Variants in PLEKHG3 observed in about 807,000 individuals in gnomAD.
PLEKHG3 encodes pleckstrin homology domain-containing family G member 3.
Under a neutral mutation model 94.9 loss-of-function variants are expected in PLEKHG3, and 62 were observed. The ratio of observed to expected loss-of-function variants is 0.65; its 90% CI spans 0.53 to 0.81. The LOEUF (loss-of-function observed/expected upper bound fraction) is 0.81, where lower values mean the gene tolerates loss of function less well. PLEKHG3 is among the 30% of genes least tolerant of loss of function. The probability of loss-of-function intolerance (pLI) is 0.00; values close to 1 mark genes in which losing one functional copy is unlikely to be tolerated. For synonymous variants in PLEKHG3, 614 were observed against 654.0 expected (o/e 0.94, Z 0.93); for missense variants, 1,461 against 1,619.3 (o/e 0.90, Z 1.68).
In PLEKHG3 at chr14:64,743,038, C is replaced by T. The variant is rs761471717; in HGVS notation, c.2995C>T (p.His999Tyr). ...CTATGAGCAGCTGATGGCCCAGGAG[C>T]ACAGCCCTCCCAAGCCCTCCTCGGC... Reference protein sequence around the residue: ...FDYEQLMAQEHSPPKPSSAGE... With the variant: ...FDYEQLMAQEYSPPKPSSAGE... The change falls in exon 17 of 17, where the codon CAC (histidine) becomes TAC (tyrosine). Residue 999 changes from histidine to tyrosine, a missense_variant. Coordinates refer to ENST00000247226, the MANE Select transcript of PLEKHG3 (RefSeq NM_001308147.2). This position sits in a 1 kb window ranked among gnomAD's most constrained non-coding sequence, Gnocchi z 7.2. 9 of 1,613,042 alleles carry T rather than the reference C, an allele frequency of 5.6e-6. No homozygotes were observed. In the South Asian group the frequency reaches 7.7e-5, roughly 14 times the overall value.
chr14:64,714,900 G>A (rs898871971), intron 1 of PLEKHG3, among the ~76,000 whole-genome samples: 3 of 151,462 alleles, frequency 2.0e-5, no homozygotes, highest in African/African-American at 7.3e-5. Flanking sequence ...AGAGGACCTG[G>A]GGGGAAAAAA....
chr14:64,713,714 T>C (rs976445867), intron 1 of PLEKHG3, among the ~76,000 whole-genome samples: 4 of 152,190 alleles, frequency 2.6e-5, no homozygotes, highest in African/African-American at 9.6e-5. Context: ...TCCTTAGTTC[T>C]AGAAAGTTCA....
intron 1 of PLEKHG3, among the ~76,000 whole-genome samples, chr14:64,710,799 C>T (rs1280746009): frequency 6.7e-6 from 1 of 150,210 alleles, no homozygotes; most frequent in Non-Finnish European, 1.5e-5. Flanking sequence ...CAAGTGCTAG[C>T]AGAAGTGCCG....
In PLEKHG3 at chr14:64,704,566, G is replaced by A. The variant is rs953886200; in HGVS notation, c.-178G>A. The A allele has an allele frequency of 1.3e-5, 2 of 153,300 alleles. No homozygotes were observed. Among genetic ancestry groups the A allele is most frequent in the East Asian group, 3.7e-4 (2 of 5,456 alleles). 9.5% of individuals were successfully genotyped at this position (153,300 alleles called of 1,614,324 possible). On this transcript the variant is annotated 5_prime_UTR_variant, in exon 1 of 17. Coordinates refer to ENST00000247226, the MANE Select transcript of PLEKHG3 (RefSeq NM_001308147.2). This position sits in a 1 kb window ranked among gnomAD's most constrained non-coding sequence, Gnocchi z 5.6. Reference sequence around the variant, plus strand: ...GCTGGCCGAGTCCGGGCCAGCTGAGGGGCTGGCGGTGGGCGGGAGCGGTCG... The same window carrying A: ...GCTGGCCGAGTCCGGGCCAGCTGAGAGGCTGGCGGTGGGCGGGAGCGGTCG...
chr14:64,719,763 C>T (rs946714457), intron 1 of PLEKHG3, among the ~76,000 whole-genome samples: 14 of 152,034 alleles, frequency 9.2e-5, no homozygotes, highest in Admixed American at 9.2e-4. Context: ...CCACCCCGCT[C>T]CAGCCTAGAG....
Position 64,729,045 on chromosome 14 carries a change from A to T in PLEKHG3, c.401A>T (p.Gln134Leu). The T allele has an allele frequency of 6.5e-7, 1 of 1,529,086 alleles. No homozygotes were observed. Among genetic ancestry groups the T allele is most frequent in the Non-Finnish European group, 8.8e-7 (1 of 1,140,750 alleles). 94.7% of individuals were successfully genotyped at this position (1,529,086 alleles called of 1,614,324 possible). A position where few individuals can be genotyped will look rare whatever the true frequency, so the allele number is the denominator to read the frequency against. ...IDTPGLLKPEQVSALFGNIEN... is the reference protein window; with the variant it reads ...IDTPGLLKPELVSALFGNIEN... ...ACACCCGGGCTGCTGAAGCCAGAAC[A>T]GGTCAGCGCCCTCTTTGGGAACATA... The change falls in exon 3 of 17, where the codon CAG (glutamine) becomes CTG (leucine). Residue 134 changes from glutamine to leucine, a missense_variant. Physicochemically the swap from Gln to Leu is moderately radical, Grantham distance 113. Transcript: ENST00000247226.
Position 64,732,748 on chromosome 14 carries a change from G to A in PLEKHG3, c.1247-55G>A. 7.3e-7 allele frequency: 1 copy of A among 1,369,544 alleles called. No individual in the cohort carries two copies. The highest frequency in any genetic ancestry group is 1.0e-6 in the Non-Finnish European group (1 of 979,712). The allele number at this position is 1,369,544 out of a possible 1,614,324, so 84.8% of individuals were successfully genotyped here. ...TGGCTGGTTATGGACAGGGTCTAGG[G>A]TAGGCCAAGGCCAATTGGGAATCAA... On this transcript the variant is annotated intron_variant, in intron 11 of 16. Coordinates refer to ENST00000247226, the MANE Select transcript of PLEKHG3 (RefSeq NM_001308147.2). This position sits in a 1 kb window ranked among gnomAD's most constrained non-coding sequence, Gnocchi z 4.9.
intron 1 of PLEKHG3, among the ~76,000 whole-genome samples, chr14:64,707,533 A>G (rs1368602587): frequency 1.6e-4 from 25 of 152,278 alleles, no homozygotes; most frequent in Non-Finnish European, 1.5e-5. Flanking sequence ...AGAAGTGACA[A>G]TAAACAAGAT....
Position 64,743,408 on chromosome 14 carries a change from G to C in PLEKHG3, c.3365G>C (p.Ser1122Thr). ...CAATCCCCTGGGCCTCTGCCCCAGA[G>C]CAAGCCGGATGGAGGCGAGACCCTG... ...AAQSPGPLPQSKPDGGETLYV... is the reference protein window; with the variant it reads ...AAQSPGPLPQTKPDGGETLYV... Residue 1122 changes from serine to threonine, a missense_variant, in exon 17 of 17, where the codon AGC (serine) becomes ACC (threonine). Physicochemically the swap from Ser to Thr is moderately conservative, Grantham distance 58 (BLOSUM62 1). Around this residue, in one of 3 missense-constraint regions of PLEKHG3, gnomAD observed 1,201 missense variants for 1,295.5 expected, o/e 0.93. Transcript: ENST00000247226. The surrounding 1 kb of genome is among the most constrained non-coding windows in gnomAD (Gnocchi z 7.2). The C allele has an allele frequency of 6.2e-7, 1 of 1,610,810 alleles. No homozygotes were observed. Among genetic ancestry groups the C allele is most frequent in the Non-Finnish European group, 8.5e-7 (1 of 1,178,346 alleles).
At chr14:64,706,162 A>T (rs2080967733) in intron 1 of PLEKHG3, among the ~76,000 whole-genome samples, 2 of 152,244 alleles carry the variant, frequency 1.3e-5, no homozygotes, top group Non-Finnish European at 2.9e-5. Context: ...CTGATAGTCC[A>T]GCACGGGTTT....
In PLEKHG3 at chr14:64,732,594, G is replaced by C; in HGVS notation, c.1246+134G>C. ...GCGGGGGTCTCCTGTTAAGGGCTGG[G>C]GGGTGAACTACATGATTAAGGATGC... is the stretch of plus-strand genomic sequence containing the variant. On this transcript the variant is annotated intron_variant, in intron 11 of 16. Coordinates refer to ENST00000247226, the MANE Select transcript of PLEKHG3 (RefSeq NM_001308147.2). The surrounding 1 kb of genome is among the most constrained non-coding windows in gnomAD (Gnocchi z 4.9). 4.8e-6 allele frequency: 4 copies of C among 832,054 alleles called. No homozygotes were observed. The highest frequency in any genetic ancestry group is 8.3e-6 in the Non-Finnish European group (4 of 483,512). 51.5% of individuals were successfully genotyped at this position (832,054 alleles called of 1,614,324 possible).
Position 64,709,975 on chromosome 14 carries a change from GA to G in PLEKHG3, c.-40+5273del, listed in dbSNP as rs539160913. ...ACAGAGAATGTCCATAAGATTCTAA[GA>G]AGTTAACCTGTAGTCAGCTGTTCTG... On this transcript the variant is annotated intron_variant, in intron 1 of 16. Coordinates refer to ENST00000247226, the MANE Select transcript of PLEKHG3 (RefSeq NM_001308147.2). 1.2e-3 allele frequency among the ~76,000 whole-genome samples: 179 copies of G among 152,270 alleles called. 1 individual carries two copies. The highest frequency in any genetic ancestry group is 3.9e-3 in the African/African-American group (164 of 41,550).
rs771628643 is a variant in PLEKHG3, at chr14:64,743,388, C to G, written c.3345C>G (p.Ser1115=). Residue 1115 remains serine (S), a synonymous_variant, in exon 17 of 17, where the codon TCC becomes TCG. Transcript: ENST00000247226. This position sits in a 1 kb window ranked among gnomAD's most constrained non-coding sequence, Gnocchi z 7.2. ...GGGGAGGCGGAGAGGCTGCCCAATC[C>G]CCTGGGCCTCTGCCCCAGAGCAAGC... The part of the protein sequence containing the change: ...RGRGGGEAAQ[S]PGPLPQSKPD... 6.2e-7 allele frequency: 1 copy of G among 1,609,024 alleles called. No homozygotes were observed. Among genetic ancestry groups the G allele is most frequent in the African/African-American group, 1.3e-5 (1 of 74,882 alleles).
In PLEKHG3 at chr14:64,749,313, T is replaced by C. The variant is rs772778745; in HGVS notation, c.*5610T>C. ...GCCCGCCAGCCCCACCTGCTACTTC[T>C]TTTTGGGGAAGAAGCTGAATCTCTT... is the stretch of plus-strand genomic sequence containing the variant. On this transcript the variant is annotated 3_prime_UTR_variant, in exon 17 of 17. Coordinates refer to ENST00000247226, the MANE Select transcript of PLEKHG3 (RefSeq NM_001308147.2). The surrounding 1 kb of genome is among the most constrained non-coding windows in gnomAD (Gnocchi z 4.7). 1 of 1,603,206 alleles carries C rather than the reference T, an allele frequency of 6.2e-7. No individual in the cohort carries two copies. Among genetic ancestry groups the C allele is most frequent in the Non-Finnish European group, 8.5e-7 (1 of 1,176,506 alleles).
Position 64,717,322 on chromosome 14 carries a change from A to G in PLEKHG3, c.-39-10271A>G, listed in dbSNP as rs947220671. Among the ~76,000 whole-genome samples the G allele has an allele frequency of 3.3e-5, 5 of 152,202 alleles. No homozygotes were observed. Among genetic ancestry groups the G allele is most frequent in the African/African-American group, 9.7e-5 (4 of 41,442 alleles). ...GGGAGGGGGAAGGCCAGGGTTGTCT[A>G]CATAACTTTCTGGGTTTGGATGCTC... is the stretch of plus-strand genomic sequence containing the variant. On this transcript the variant is annotated intron_variant, in intron 1 of 16. Transcript: ENST00000247226. This position sits in a 1 kb window ranked among gnomAD's most constrained non-coding sequence, Gnocchi z 4.7.
rs191797601 is a variant in PLEKHG3 at position 64,731,001 on chromosome 14, C to T, written c.718-37C>T. ...TAGGGCCTGGGGAGGGCAGGGCCTT[C>T]GGGTCAGGGGCACCTAAGCGTCTAT... On this transcript the variant is annotated intron_variant, in intron 6 of 16. Coordinates refer to ENST00000247226, the MANE Select transcript of PLEKHG3 (RefSeq NM_001308147.2). The surrounding 1 kb of genome is among the most constrained non-coding windows in gnomAD (Gnocchi z 6.1). The T allele has an allele frequency of 5.9e-5, 96 of 1,613,662 alleles. 1 individual carries two copies. The East Asian group carries it at 1.8e-3, about 31-fold the overall frequency.
At position 64,743,711 on chromosome 14, in the gene PLEKHG3, T is replaced by C; in HGVS notation, c.*8T>C. On this transcript the variant is annotated 3_prime_UTR_variant, in exon 17 of 17. Transcript: ENST00000247226. This position sits in a 1 kb window ranked among gnomAD's most constrained non-coding sequence, Gnocchi z 7.2. Reference sequence around the variant, plus strand: ...TTGAACTCTGTCGGTTGATGCTGACTCCTGGGGGAGGGAGGAGTCATGTTG... The same window carrying C: ...TTGAACTCTGTCGGTTGATGCTGACCCCTGGGGGAGGGAGGAGTCATGTTG... 2 of 1,528,762 alleles carry C rather than the reference T, an allele frequency of 1.3e-6. No individual in the cohort carries two copies. The highest frequency in any genetic ancestry group is 1.7e-4 in the Middle Eastern group (1 of 5,718). 94.7% of individuals were successfully genotyped at this position (1,528,762 alleles called of 1,614,324 possible). A position where few individuals can be genotyped will look rare whatever the true frequency, so the allele number is the denominator to read the frequency against.
At chr14:64,706,957 G>A (rs1200068686) in intron 1 of PLEKHG3, among the ~76,000 whole-genome samples, 4 of 152,230 alleles carry the variant, frequency 2.6e-5, no homozygotes, top group Non-Finnish European at 4.4e-5. Flanking sequence ...CTGTTGTGTT[G>A]GGGGTTGCAG....
In PLEKHG3 at chr14:64,717,465, C is replaced by G. The variant is rs1259495442; in HGVS notation, c.-39-10128C>G. ...GTGAGAACTGGGGGAAGGAAAAAACCCTTGGGTAGTAAGATGCACACAAAC... is the reference window on the plus strand; with the variant it reads ...GTGAGAACTGGGGGAAGGAAAAAACGCTTGGGTAGTAAGATGCACACAAAC... On this transcript the variant is annotated intron_variant, in intron 1 of 16. Coordinates refer to ENST00000247226, the MANE Select transcript of PLEKHG3 (RefSeq NM_001308147.2). The surrounding 1 kb of genome is among the most constrained non-coding windows in gnomAD (Gnocchi z 4.7). 3.3e-5 allele frequency among the ~76,000 whole-genome samples: 5 copies of G among 152,104 alleles called. No individual in the cohort carries two copies.
Sources: gnomAD v4.1 joint callset for allele counts (sites outside exome capture counted in the v4.1 genomes callset) on GRCh38, gnomAD v4.1.1 for gene constraint, gnomAD v4.1.1 regional missense constraint, Gnocchi (gnomAD v3.1) non-coding constraint, MANE v1.5 for transcripts, NCBI Gene and HGNC (gene_info 2026-07-23, HGNC 2026-07-21) for gene names.